Variants in CCDC178 observed in about 807,000 individuals in gnomAD.
CCDC178 encodes the protein coiled-coil domain-containing protein 178.
Under a neutral mutation model 117.4 loss-of-function variants are expected in CCDC178, and 126 were observed. The ratio of observed to expected loss-of-function variants is 1.07; its 90% CI spans 0.93 to 1.24. The LOEUF is 1.24. CCDC178 is among the 50% of genes most tolerant of loss of function. The pLI is 0.00. For missense variants in CCDC178, 1,030 were observed against 986.9 expected (o/e 1.04, Z -0.59); for synonymous variants, 283 against 313.4 (o/e 0.90, Z 1.02).
chr18:33,363,016 C>T (rs949788461), intron 6 of CCDC178, among the ~76,000 whole-genome samples: 1 of 151,224 alleles, frequency 6.6e-6, no homozygotes, highest in Admixed American at 6.6e-5. Context: ...AGCAAAGATA[C>T]CATACTAATG....
At chr18:33,264,115 G>T (rs1168181723) in intron 14 of CCDC178, among the ~76,000 whole-genome samples, 1 of 151,950 alleles carries the variant, frequency 6.6e-6, no homozygotes, top group Non-Finnish European at 1.5e-5. Context: ...AGCAGATTTG[G>T]GTGAAAAGCA....
chr18:33,112,680 A>C (rs911279256), intron 20 of CCDC178, among the ~76,000 whole-genome samples: 4 of 151,910 alleles, frequency 2.6e-5, no homozygotes, highest in African/African-American at 9.7e-5. Flanking sequence ...TTTCATAGCC[A>C]GTTAGCTTTA....
At chr18:33,226,737 CTAAG>C in intron 16 of CCDC178, 52 bp downstream of exon 16, 1 of 1,267,870 alleles carries the variant, frequency 7.9e-7, no homozygotes, top group Non-Finnish European at 1.1e-6. Flanking sequence ...ATTTAAAATG[CTAAG>C]TAAAATGCAA....
At position 33,333,240 on chromosome 18, in the gene CCDC178, A is replaced by G; in HGVS notation, c.813T>C (p.Pro271=). 1 of 1,613,118 alleles carries G rather than the reference A, an allele frequency of 6.2e-7. No homozygotes were observed. Among genetic ancestry groups the G allele is most frequent in the East Asian group, 2.2e-5 (1 of 44,728 alleles). The change falls in exon 10 of 23, where the codon CCT becomes CCC. Residue 271 remains proline (P), a synonymous_variant. Coordinates refer to ENST00000383096, the MANE Select transcript of CCDC178 (RefSeq NM_001105528.4). ...CCTGATTCTGCTTAGAGTCCAGTAG[A>G]GGGCCATGTTCATTCATGTAGTCTA... ...ADIDYMNEHG[P]LLDSKQNQEL...
intron 21 of CCDC178, among the ~76,000 whole-genome samples, chr18:33,030,550 T>C (rs1018387519): frequency 5.3e-5 from 8 of 151,708 alleles, no homozygotes; most frequent in African/African-American, 1.9e-4. Context: ...GATAGATAGA[T>C]AGATAGATAG....
At chr18:33,250,468 A>AT (rs1304658227) in intron 14 of CCDC178, among the ~76,000 whole-genome samples, 1 of 151,720 alleles carries the variant, frequency 6.6e-6, no homozygotes, top group Non-Finnish European at 1.5e-5. Context: ...CCACTCAAAA[A>AT]TTTGAAAATA....
intron 22 of CCDC178, among the ~76,000 whole-genome samples, chr18:32,943,597 A>T (rs1274585195): frequency 6.6e-6 from 1 of 152,148 alleles, no homozygotes; most frequent in East Asian, 1.9e-4. Flanking sequence ...TTGTGTTTTG[A>T]TTCTCAGAAT....
chr18:33,264,137 A>T (rs552965517), intron 14 of CCDC178, among the ~76,000 whole-genome samples: 1 of 152,244 alleles, frequency 6.6e-6, no homozygotes, highest in African/African-American at 2.4e-5. Context: ...ATAAAACTTT[A>T]GGAAATGAAA....
rs188178919 is a variant in CCDC178 at position 33,218,668 on chromosome 18, A to G, written c.1933-2973T>C. On this transcript the variant is annotated intron_variant, in intron 18 of 22. Coordinates refer to ENST00000383096, the MANE Select transcript of CCDC178 (RefSeq NM_001105528.4). ...GGGATCCAGTTTCAGCTTTCTACCT[A>G]TGGCTAGCCAGTTTTCCCAGTACCA... is the stretch of plus-strand genomic sequence containing the variant. Among the ~76,000 whole-genome samples the G allele has an allele frequency of 3.0e-3, 464 of 152,272 alleles. 4 individuals carry two copies. The highest frequency in any genetic ancestry group is 0.011 in the African/African-American group (451 of 41,562).
At chr18:33,364,435 G>A (rs935987626) in intron 6 of CCDC178, among the ~76,000 whole-genome samples, 8 of 152,018 alleles carry the variant, frequency 5.3e-5, no homozygotes, top group Admixed American at 2.6e-4. Flanking sequence ...GTGGAATGGA[G>A]AAAGAAAGAC....
rs970926076 is a variant in CCDC178, at chr18:33,293,391, T to C, written c.1023-79A>G. 1.2e-5 allele frequency: 11 copies of C among 887,118 alleles called. No individual in the cohort carries two copies. The Admixed American group carries it at 3.2e-4, about 26-fold the overall frequency. The allele number at this position is 887,118 out of a possible 1,614,324, so 55.0% of individuals were successfully genotyped here. A position where few individuals can be genotyped will look rare whatever the true frequency, so the allele number is the denominator to read the frequency against. On this transcript the variant is annotated intron_variant, in intron 11 of 22. Coordinates refer to ENST00000383096, the MANE Select transcript of CCDC178 (RefSeq NM_001105528.4). ...TAAATTATACTTAGGCCAGGCTTGG[T>C]GGCTCATGCCTGTAATCTCAGCACT...
chr18:33,275,713 G>A (rs1332406917), intron 12 of CCDC178, among the ~76,000 whole-genome samples: 3 of 147,566 alleles, frequency 2.0e-5, no homozygotes, highest in Non-Finnish European at 4.5e-5. Flanking sequence ...GAGAAGGGAA[G>A]CTGTAGCTTC....
chr18:33,202,572 T>A (rs2059004012), intron 20 of CCDC178, among the ~76,000 whole-genome samples: 1 of 152,104 alleles, frequency 6.6e-6, no homozygotes, highest in Admixed American at 6.5e-5. Flanking sequence ...GACACACGAT[T>A]TGGCATTGGG....
intron 14 of CCDC178, among the ~76,000 whole-genome samples, chr18:33,252,367 A>G (rs2144716508): frequency 6.6e-6 from 1 of 151,894 alleles, no homozygotes; most frequent in Admixed American, 6.6e-5. Flanking sequence ...TCTTGGAAAA[A>G]AAAGTCTAAA....
chr18:33,318,521 G>A (rs1027670999), intron 11 of CCDC178, among the ~76,000 whole-genome samples: 4 of 152,132 alleles, frequency 2.6e-5, no homozygotes, highest in Admixed American at 6.5e-5. Flanking sequence ...GTGAGAAAAC[G>A]ATCAAGAAGT....
At chr18:33,220,399 A>T (rs889400268) in intron 18 of CCDC178, among the ~76,000 whole-genome samples, 1 of 152,068 alleles carries the variant, frequency 6.6e-6, no homozygotes, top group African/African-American at 2.4e-5. Context: ...TGACTGGTTA[A>T]ACACTAGATT....
intron 21 of CCDC178, among the ~76,000 whole-genome samples, chr18:33,034,066 C>T (rs1003378894): frequency 3.9e-5 from 6 of 151,948 alleles, no homozygotes; most frequent in African/African-American, 1.4e-4. Flanking sequence ...TCTTACTAAA[C>T]CTGTCTTTTA....
intron 2 of CCDC178, among the ~76,000 whole-genome samples, chr18:33,431,074 CAAAAAAAAAA>C (rs368036930): frequency 1.5e-5 from 1 of 66,416 alleles, no homozygotes; most frequent in East Asian, 4.0e-4. Flanking sequence ...GACTACGTCT[CAAAAAAAAAA>C]AAAAAAAAGA....
At chr18:33,032,383 A>C (rs1345967810) in intron 21 of CCDC178, among the ~76,000 whole-genome samples, 1 of 152,142 alleles carries the variant, frequency 6.6e-6, no homozygotes, top group Non-Finnish European at 1.5e-5. Flanking sequence ...TTTAATCAAT[A>C]AAGAGTATCC....
Sources: allele counts gnomAD v4.1 joint callset (sites outside exome capture counted in the v4.1 genomes callset), GRCh38; gene constraint gnomAD v4.1.1; transcripts MANE v1.5; gene names NCBI Gene and HGNC (gene_info 2026-07-23, HGNC 2026-07-21).